IARS2: variants seen among roughly 807,000 people sequenced by gnomAD.
IARS2 encodes isoleucyl-tRNA synthetase 2, mitochondrial.
Under a neutral mutation model 126.3 loss-of-function variants are expected in IARS2, and 56 were observed. The observed-to-expected ratio is 0.44, with a 90% CI of 0.36 to 0.55. IARS2 has a LOEUF of 0.55. Ranked by LOEUF, IARS2 falls within the 20% of genes least tolerant of loss-of-function variation. The pLI, the probability that IARS2 is intolerant of heterozygous loss-of-function variation, is 0.00. For synonymous variants in IARS2, 407 were observed against 441.1 expected, an observed-to-expected ratio of 0.92 and a Z score of 0.97; for missense variants, 1,127 against 1,245.9, an observed-to-expected ratio of 0.90 and a Z score of 1.44.
rs748557971 is a variant in IARS2 at position 220,103,430 on chromosome 1, C to G, written c.951-17C>G. The G allele has an allele frequency of 1.5e-6, 2 of 1,379,104 alleles. No individual in the cohort carries two copies. Among genetic ancestry groups the G allele is most frequent in the African/African-American group, 1.4e-5 (1 of 69,694 alleles). 85.4% of individuals were successfully genotyped at this position (1,379,104 alleles called of 1,614,324 possible). On this transcript the variant is annotated splice_polypyrimidine_tract_variant and intron_variant, in intron 7 of 22. Coordinates refer to ENST00000366922, the MANE Select transcript of IARS2 (RefSeq NM_018060.4). Reference sequence around the variant, plus strand: ...CTTGTTTCATTATTAGTAATTTCTCCTAAAATTTTATGTTAGGTATGCTGT... The same window carrying G: ...CTTGTTTCATTATTAGTAATTTCTCGTAAAATTTTATGTTAGGTATGCTGT...
At position 220,143,110 on chromosome 1, in the gene IARS2, T is replaced by C; in HGVS notation, c.2727T>C (p.Pro909=). Residue 909 remains proline (P), a synonymous_variant, in exon 21 of 23, where the codon CCT becomes CCC. Coordinates refer to ENST00000366922, the MANE Select transcript of IARS2 (RefSeq NM_018060.4). Reference sequence around the variant, plus strand: ...ACAAGGTTATCACTGTGATAGAACCTGGACTGCTTTTTGAGATAATAGAGG... The same window carrying C: ...ACAAGGTTATCACTGTGATAGAACCCGGACTGCTTTTTGAGATAATAGAGG... ...AEYKVITVIE[P]GLLFEIIEML... 1 of 1,613,750 alleles carries C rather than the reference T, an allele frequency of 6.2e-7. No individual in the cohort carries two copies. Among genetic ancestry groups the C allele is most frequent in the Non-Finnish European group, 8.5e-7 (1 of 1,179,736 alleles).
intron 2 of IARS2, among the ~76,000 whole-genome samples, chr1:220,098,956 T>G (rs1387596635): frequency 6.6e-6 from 1 of 152,176 alleles, no homozygotes; most frequent in Non-Finnish European, 1.5e-5. Flanking sequence ...GTCTGGCCTG[T>G]AATCCCAGCA....
intron 12 of IARS2, among the ~76,000 whole-genome samples, chr1:220,121,741 G>A (rs1657055639): frequency 1.3e-5 from 2 of 152,110 alleles, no homozygotes; most frequent in South Asian, 4.1e-4. Context: ...CACCGTGCCA[G>A]GCCAAGAATA....
chr1:220,097,999 C>T (rs985141290), intron 2 of IARS2, among the ~76,000 whole-genome samples: 11 of 152,092 alleles, frequency 7.2e-5, no homozygotes, highest in South Asian at 2.1e-4. Flanking sequence ...CTCAGTCTCC[C>T]GAGTAGCTGG....
Position 220,136,922 on chromosome 1 carries a change from C to T in IARS2, c.2049+11C>T. The T allele has an allele frequency of 6.6e-7, 1 of 1,512,224 alleles. No homozygotes were observed. Among genetic ancestry groups the T allele is most frequent in the Non-Finnish European group, 9.2e-7 (1 of 1,092,432 alleles). The allele number at this position is 1,512,224 out of a possible 1,614,324, so 93.7% of individuals were successfully genotyped here. The stretch of plus-strand genomic sequence containing the variant: ...GTTAATGGAGGACAAGTAGGTGATT[C>T]TCTAAAATGTATTTTATTTTCGTTT... On this transcript the variant is annotated intron_variant, in intron 16 of 22. Coordinates refer to ENST00000366922, the MANE Select transcript of IARS2 (RefSeq NM_018060.4).
intron 16 of IARS2, among the ~76,000 whole-genome samples, chr1:220,137,292 T>A (rs1406899237): frequency 1.3e-5 from 2 of 152,216 alleles, no homozygotes; most frequent in African/African-American, 2.4e-5. Context: ...TAAAGTGTGA[T>A]TGTGTAGTTA....
At position 220,131,483 on chromosome 1, in the gene IARS2, C is replaced by T. The variant is rs530687672; in HGVS notation, c.1838-2919C>T. On this transcript the variant is annotated intron_variant, in intron 14 of 22. Transcript: ENST00000366922. The stretch of plus-strand genomic sequence containing the variant: ...TCTCCTGCCTCAGCTTCCCAAGTAG[C>T]TGTGACTACAGGCATGAGCCATCAC... Among the ~76,000 whole-genome samples the T allele has an allele frequency of 8.0e-5, 12 of 150,836 alleles. No homozygotes were observed. In the East Asian group the frequency reaches 1.4e-3, roughly 17 times the overall value.
intron 21 of IARS2, chr1:220,144,241 AACAGGATGATG>A: frequency 1.3e-6 from 1 of 768,098 alleles, no homozygotes. Flanking sequence ...CACGGTGAGA[AACAGGATGATG>A]ACTTTGGAGC....
chr1:220,145,589 G>A lies in IARS2; in HGVS notation c.2832G>A (p.Gln944=), dbSNP rs1295947451. The change falls in exon 22 of 23, where the codon CAG becomes CAA. Residue 944 remains glutamine, a synonymous_variant. Transcript: ENST00000366922. ...MMASESTLLA[Q]EPREMTADVI... ...CTTCTGAGTCAACTTTACTGGCTCA[G>A]GAACCACGAGAGATGACTGCAGATG... The A allele has an allele frequency of 6.2e-7, 1 of 1,613,838 alleles. No individual in the cohort carries two copies. The highest frequency in any genetic ancestry group is 8.5e-7 in the Non-Finnish European group (1 of 1,179,824).
intron 22 of IARS2, among the ~76,000 whole-genome samples, chr1:220,146,045 T>C (rs1488913273): frequency 6.6e-6 from 1 of 152,176 alleles, no homozygotes; most frequent in East Asian, 1.9e-4. Context: ...AATTTCCTAT[T>C]ATGTATACCC....
chr1:220,147,995 G>GTAT lies in IARS2; in HGVS notation c.*362_*364dup, dbSNP rs1426661005. The GTAT allele has an allele frequency of 2.6e-6, 1 of 386,272 alleles. No homozygotes were observed. The highest frequency in any genetic ancestry group is 4.6e-6 in the Non-Finnish European group (1 of 218,028). 23.9% of individuals were successfully genotyped at this position (386,272 alleles called of 1,614,324 possible). Reference sequence around the variant, plus strand: ...ATTTTATAAATCATCTTTTGACTCTGTATTTAAATTCTATGATACTGAAAA... The same window carrying GTAT: ...ATTTTATAAATCATCTTTTGACTCTGTATTATTTAAATTCTATGATACTGAAAA... On this transcript the variant is annotated 3_prime_UTR_variant, in exon 23 of 23. Coordinates refer to ENST00000366922, the MANE Select transcript of IARS2 (RefSeq NM_018060.4).
At chr1:220,137,294 G>A (rs1193694352) in intron 16 of IARS2, among the ~76,000 whole-genome samples, 1 of 152,182 alleles carries the variant, frequency 6.6e-6, no homozygotes, top group African/African-American at 2.4e-5. Flanking sequence ...AAGTGTGATT[G>A]TGTAGTTAAA....
intron 21 of IARS2, chr1:220,144,247 A>G (rs1657543853): frequency 1.3e-6 from 1 of 767,742 alleles, no homozygotes; most frequent in East Asian, 2.4e-5. Flanking sequence ...GAGAAACAGG[A>G]TGATGACTTT....
In IARS2 at chr1:220,136,869, T is replaced by G. The variant is rs1442195474; in HGVS notation, c.2007T>G (p.Leu669=). The G allele has an allele frequency of 6.2e-7, 1 of 1,611,788 alleles. No individual in the cohort carries two copies. Among genetic ancestry groups the G allele is most frequent in the Non-Finnish European group, 8.5e-7 (1 of 1,178,288 alleles). ...AGGGAGAAAAGATGTCCAAGTCTCT[T>G]GGGAATGTCATTCATCCTGATGTTG... The part of the protein sequence containing the change: ...GEKGEKMSKS[L]GNVIHPDVVV... The change falls in exon 16 of 23, where the codon CTT becomes CTG. Residue 669 remains leucine, a synonymous_variant. Transcript: ENST00000366922.
chr1:220,145,418 TA>T, intron 21 of IARS2, 90 bp from the exon 22 acceptor site: 1 of 1,244,356 alleles, frequency 8.0e-7, no homozygotes, highest in Non-Finnish European at 1.1e-6. Context: ...GGTTCCTCTC[TA>T]AACGTGAGAT....
In IARS2 at chr1:220,103,389, G is replaced by A. The variant is rs971618814; in HGVS notation, c.951-58G>A. On this transcript the variant is annotated intron_variant, in intron 7 of 22. Coordinates refer to ENST00000366922, the MANE Select transcript of IARS2 (RefSeq NM_018060.4). ...AAAATGATTATTTAAAAATTAAAAT[G>A]ATATCTGTGGCTTTTCTTGTTTCAT... 25 of 1,008,192 alleles carry A rather than the reference G, an allele frequency of 2.5e-5. 2 individuals carry two copies. The South Asian group carries it at 2.9e-4, about 12-fold the overall frequency. 62.5% of individuals were successfully genotyped at this position (1,008,192 alleles called of 1,614,324 possible). A position where few individuals can be genotyped will look rare whatever the true frequency, so the allele number is the denominator to read the frequency against.
rs1029454795 is a variant in IARS2 at position 220,104,238 on chromosome 1, A to G, written c.1066+676A>G. Among the ~76,000 whole-genome samples the G allele has an allele frequency of 3.9e-5, 6 of 152,252 alleles. No homozygotes were observed. The East Asian group carries it at 1.2e-3, about 29-fold the overall frequency. ...GTGATCTGCCTGCCTTGGCCTGCCA[A>G]AGTGCTGGGATTAAAGGCGTAAGCC... On this transcript the variant is annotated intron_variant, in intron 8 of 22. Coordinates refer to ENST00000366922, the MANE Select transcript of IARS2 (RefSeq NM_018060.4).
intron 8 of IARS2, among the ~76,000 whole-genome samples, chr1:220,105,337 A>G (rs1323248604): frequency 6.6e-6 from 1 of 152,226 alleles, no homozygotes; most frequent in Non-Finnish European, 1.5e-5. Context: ...GAAAGTGTTA[A>G]GGTTGAATTT....
intron 9 of IARS2, among the ~76,000 whole-genome samples, chr1:220,106,332 A>G (rs1342660102): frequency 2.0e-5 from 3 of 152,184 alleles, no homozygotes; most frequent in African/African-American, 4.8e-5. Flanking sequence ...CACATAGACA[A>G]ATTACTTTTA....
Sources: gnomAD v4.1 joint callset for allele counts (sites outside exome capture counted in the v4.1 genomes callset) on GRCh38, gnomAD v4.1.1 for gene constraint, MANE v1.5 for transcripts, NCBI Gene and HGNC (gene_info 2026-07-23, HGNC 2026-07-21) for gene names.